Variants in ESYT3 observed in about 807,000 individuals in gnomAD.
ESYT3 encodes extended synaptotagmin-3.
In ESYT3, 101 loss-of-function variants were observed where a neutral mutation model predicts 111.5. The observed-to-expected ratio is 0.91, with a 90% CI of 0.77 to 1.07. ESYT3 has a LOEUF of 1.07. Ranked by LOEUF, ESYT3 falls within the 50% of genes least tolerant of loss-of-function variation. ESYT3 has a pLI of 0.00. For missense variants in ESYT3, 1,097 were observed against 1,109.4 expected (o/e 0.99, Z 0.16); for synonymous variants, 416 against 446.8 (o/e 0.93, Z 0.87).
Position 138,478,860 on chromosome 3 carries a change from T to C in ESYT3, c.*2006T>C, listed in dbSNP as rs1421677094. ...AACAATCAGCTAATATGCAGGAGCA[T>C]AGGGTCTGAAGTTAACATCATCTTG... On this transcript the variant is annotated 3_prime_UTR_variant, in exon 23 of 23. Coordinates refer to ENST00000389567, the MANE Select transcript of ESYT3 (RefSeq NM_031913.5). The C allele has an allele frequency of 1.3e-5, 2 of 152,290 alleles. No individual in the cohort carries two copies. Among genetic ancestry groups the C allele is most frequent in the Non-Finnish European group, 2.9e-5 (2 of 68,032 alleles). The allele number at this position is 152,290 out of a possible 1,614,324, so 9.4% of individuals were successfully genotyped here.
rs2030597021 is a variant in ESYT3, at chr3:138,435,535, G to C, written c.327+410G>C. On this transcript the variant is annotated intron_variant, in intron 1 of 22. Transcript: ENST00000389567. This position sits in a 1 kb window ranked among gnomAD's most constrained non-coding sequence, Gnocchi z 4.8. ...CGAACGCCGGACGCAAAACGTAGATGGGCAAATACCGCAGTGACAGAAACG... is the reference window on the plus strand; with the variant it reads ...CGAACGCCGGACGCAAAACGTAGATCGGCAAATACCGCAGTGACAGAAACG... 1.3e-5 allele frequency among the ~76,000 whole-genome samples: 2 copies of C among 152,254 alleles called. No homozygotes were observed. The highest frequency in any genetic ancestry group is 2.9e-5 in the Non-Finnish European group (2 of 68,050).
In ESYT3 at chr3:138,464,362, C is replaced by T. The variant is rs1163070377; in HGVS notation, c.933C>T (p.His311=). Residue 311 remains histidine, a synonymous_variant, in exon 9 of 23, where the codon CAC becomes CAT. Coordinates refer to ENST00000389567, the MANE Select transcript of ESYT3 (RefSeq NM_031913.5). The part of the protein sequence containing the change: ...FPLPCGVIRV[H]LLEAEQLAQK... ...TTTTCCAGGGGGTGATCAGAGTGCA[C>T]TTGCTGGAGGCAGAGCAGCTGGCCC... The T allele has an allele frequency of 1.2e-6, 2 of 1,614,002 alleles. No individual in the cohort carries two copies. Among genetic ancestry groups the T allele is most frequent in the Non-Finnish European group, 1.7e-6 (2 of 1,179,982 alleles).
rs1553810678 is a variant in ESYT3 at position 138,443,756 on chromosome 3, G to GTGTGTGTGTGTGTGTGTGTGACT, written c.328-8292_328-8291insTGTGTGTGTGTGTGTGTGTGACT. 7.0e-3 allele frequency among the ~76,000 whole-genome samples: 1,065 copies of GTGTGTGTGTGTGTGTGTGTGACT among 151,452 alleles called. 12 individuals are homozygous for GTGTGTGTGTGTGTGTGTGTGACT. Among genetic ancestry groups the GTGTGTGTGTGTGTGTGTGTGACT allele is most frequent in the East Asian group, 0.055 (282 of 5,124 alleles). ...TGCATCTGTGTGTGTGTGTGTGTGTGACATGGCTGCTCCATGGGAGAGCTG... is the reference window on the plus strand; with the variant it reads ...TGCATCTGTGTGTGTGTGTGTGTGTGTGTGTGTGTGTGTGTGTGTGACTACATGGCTGCTCCATGGGAGAGCTG... On this transcript the variant is annotated intron_variant, in intron 1 of 22. Transcript: ENST00000389567.
chr3:138,470,994 G>C lies in ESYT3; in HGVS notation c.1708G>C (p.Asp570His). 6.2e-7 allele frequency: 1 copy of C among 1,614,090 alleles called. No homozygotes were observed. Among genetic ancestry groups the C allele is most frequent in the East Asian group, 2.2e-5 (1 of 44,872 alleles). Residue 570 changes from aspartate (D) to histidine (H), a missense_variant, in exon 17 of 23, where the codon GAC (aspartate) becomes CAC (histidine). By Grantham distance (81) the Asp-to-His change is moderately conservative. Transcript: ENST00000389567. ...CTTTCAGCTGGACCACTCAGGCCTG[G>C]ACAGCCTCATCTCCATGAGGCTGGT... ...QRFQLDHSGL[D>H]SLISMRLVLR...
intron 2 of ESYT3, among the ~76,000 whole-genome samples, 179 bp downstream of exon 2, chr3:138,452,268 T>C (rs1332705346): frequency 6.6e-6 from 1 of 152,184 alleles, no homozygotes; most frequent in Non-Finnish European, 1.5e-5. Context: ...CAACAACAAA[T>C]TGAAATTAAT....
intron 1 of ESYT3, among the ~76,000 whole-genome samples, chr3:138,448,138 G>C (rs1428959809): frequency 6.6e-6 from 1 of 151,584 alleles, no homozygotes; most frequent in Non-Finnish European, 1.5e-5. Context: ...GTGGTGGCAG[G>C]TGCCTGTAAT....
In ESYT3 at chr3:138,435,306, G is replaced by A. The variant is rs1368934557; in HGVS notation, c.327+181G>A. On this transcript the variant is annotated intron_variant, in intron 1 of 22. Transcript: ENST00000389567. The surrounding 1 kb of genome is among the most constrained non-coding windows in gnomAD (Gnocchi z 4.8). Reference sequence around the variant, plus strand: ...CCTGGGGACGGTGACCGCCCCTCCCGCGGCGCGCAGCACCCTCACGTCCAC... The same window carrying A: ...CCTGGGGACGGTGACCGCCCCTCCCACGGCGCGCAGCACCCTCACGTCCAC... 6.6e-6 allele frequency among the ~76,000 whole-genome samples: 1 copy of A among 152,160 alleles called. No individual in the cohort carries two copies. Among genetic ancestry groups the A allele is most frequent in the Non-Finnish European group, 1.5e-5 (1 of 68,026 alleles).
At chr3:138,474,536 C>A in intron 20 of ESYT3, 184 bp downstream of exon 20, 2 of 551,828 alleles carry the variant, frequency 3.6e-6, no homozygotes, top group Non-Finnish European at 5.8e-6. Context: ...AGAAGTTTAT[C>A]AAAATGGCCA....
Position 138,477,102 on chromosome 3 carries a change from TGTTATATTTGTGCCTACTAAA to T in ESYT3, c.*249_*269del, listed in dbSNP as rs2033521126. 1 of 388,096 alleles carries T rather than the reference TGTTATATTTGTGCCTACTAAA, an allele frequency of 2.6e-6. No homozygotes were observed. The highest frequency in any genetic ancestry group is 4.6e-6 in the Non-Finnish European group (1 of 216,994). The allele number at this position is 388,096 out of a possible 1,614,324, so 24.0% of individuals were successfully genotyped here. ...TTTTTTGTTCAAGTCCAGAAAGAAA[TGTTATATTTGTGCCTACTAAA>T]TTATCCAAACCTCAGTGTTTATATA... is the stretch of plus-strand genomic sequence containing the variant. On this transcript the variant is annotated 3_prime_UTR_variant, in exon 23 of 23. Coordinates refer to ENST00000389567, the MANE Select transcript of ESYT3 (RefSeq NM_031913.5).
At chr3:138,460,445 C>T (rs1350118473) in intron 6 of ESYT3, among the ~76,000 whole-genome samples, 166 bp from the exon 7 acceptor site, 2 of 152,178 alleles carry the variant, frequency 1.3e-5, no homozygotes, top group East Asian at 1.9e-4. Context: ...GGGGTGGCCT[C>T]GCCTGCCTGA....
At position 138,464,485 on chromosome 3, in the gene ESYT3, C is replaced by G; in HGVS notation, c.1056C>G (p.Asn352Lys). The G allele has an allele frequency of 6.2e-7, 1 of 1,614,120 alleles. No homozygotes were observed. Reference protein sequence around the residue: ...QHFRSRTIYRNLNPTWNEVFE... With the variant: ...QHFRSRTIYRKLNPTWNEVFE... ...TCCGGAGTAGGACCATCTACAGGAA[C>G]CTGAACCCCACCTGGAACGAAGTGT... The change falls in exon 9 of 23, where the codon AAC becomes AAG. Residue 352 changes from asparagine (N) to lysine (K), a missense_variant. Physicochemically the swap from Asn to Lys is moderately conservative, Grantham distance 94 (BLOSUM62 0). Transcript: ENST00000389567.
At chr3:138,468,974 CTG>C (rs2033080521) in intron 14 of ESYT3, 93 bp downstream of exon 14, 2 of 1,296,878 alleles carry the variant, frequency 1.5e-6, no homozygotes, top group Non-Finnish European at 2.2e-6. Flanking sequence ...GGGCCACAGT[CTG>C]TGCACACACA....
Position 138,455,201 on chromosome 3 carries a change from C to G in ESYT3, c.377C>G (p.Ser126Cys), listed in dbSNP as rs570708059. The change falls in exon 3 of 23, where the codon TCT becomes TGT. Residue 126 changes from serine (S) to cysteine (C), a missense_variant. Physicochemically the swap from Ser to Cys is moderately radical, Grantham distance 112. Coordinates refer to ENST00000389567, the MANE Select transcript of ESYT3 (RefSeq NM_031913.5). ...CTCTTCCCGTCTTCACAGATCATCT[C>G]TCAGACCTGGCCCTACCTAAGCATG... ...ERVEWANKIISQTWPYLSMIM... is the reference protein window; with the variant it reads ...ERVEWANKIICQTWPYLSMIM... 53 of 1,614,092 alleles carry G rather than the reference C, an allele frequency of 3.3e-5. No individual in the cohort carries two copies. Among genetic ancestry groups the G allele is most frequent in the Non-Finnish European group, 4.2e-5 (50 of 1,180,040 alleles).
chr3:138,447,401 T>G (rs1310792322), intron 1 of ESYT3, among the ~76,000 whole-genome samples: 1 of 152,228 alleles, frequency 6.6e-6, no homozygotes, highest in Non-Finnish European at 1.5e-5. Context: ...CATGTCTAGA[T>G]ACTTTAAAAC....
intron 1 of ESYT3, among the ~76,000 whole-genome samples, chr3:138,443,913 C>G (rs756984514): frequency 6.6e-5 from 10 of 152,184 alleles, no homozygotes; most frequent in Non-Finnish European, 1.2e-4. Context: ...CACCCCAACC[C>G]CAGACCCATC....
chr3:138,455,572 C>A (rs1212145606), intron 3 of ESYT3, among the ~76,000 whole-genome samples: 1 of 152,152 alleles, frequency 6.6e-6, no homozygotes, highest in African/African-American at 2.4e-5. Flanking sequence ...TCAGAGGGAA[C>A]AGAAAGGAGA....
intron 8 of ESYT3, 105 bp downstream of exon 8, chr3:138,462,311 A>G (rs751189396): frequency 1.2e-4 from 172 of 1,490,628 alleles, no homozygotes; most frequent in Non-Finnish European, 1.5e-4. Flanking sequence ...CTAATGCTTG[A>G]CAGTCCCAGA....
At chr3:138,476,156 A>T in intron 20 of ESYT3, 67 bp from the exon 21 acceptor site, 7 of 1,041,502 alleles carry the variant, frequency 6.7e-6, no homozygotes, top group Non-Finnish European at 1.0e-5. Flanking sequence ...AAATGGATGA[A>T]GCACTTTAGA....
intron 1 of ESYT3, 141 bp from the exon 2 acceptor site, chr3:138,451,907 T>C: frequency 1.1e-6 from 1 of 900,878 alleles, no homozygotes; most frequent in East Asian, 2.6e-5. Flanking sequence ...AGAGCGCACC[T>C]GTGACCGACG....
Sources: allele counts gnomAD v4.1 joint callset (sites outside exome capture counted in the v4.1 genomes callset), GRCh38; gene constraint gnomAD v4.1.1; non-coding constraint Gnocchi (gnomAD v3.1); transcripts MANE v1.5; gene names NCBI Gene and HGNC (gene_info 2026-07-23, HGNC 2026-07-21).